The following PDS5A variants were observed in gnomAD, a reference collection of about 807,000 sequenced individuals.
PDS5A encodes the protein PDS5 cohesin associated factor A.
PDS5A carries 42 observed loss-of-function variants against 167.1 expected under a neutral mutation model. That is an observed-to-expected ratio of 0.25 (90% CI 0.20 to 0.33). The LOEUF is 0.33. Among genes scored for constraint, PDS5A ranks in the 10% least tolerant of loss-of-function variants. The pLI is 1.00. For missense variants in PDS5A, 1,033 were observed against 1,605.9 expected, an observed-to-expected ratio of 0.64 and a Z score of 6.10; for synonymous variants, 553 against 554.6, an observed-to-expected ratio of 1.00 and a Z score of 0.04.
chr4:39,910,903 T>C (rs1047925496), intron 9 of PDS5A, among the ~76,000 whole-genome samples: 1 of 151,912 alleles, frequency 6.6e-6, no homozygotes, highest in Non-Finnish European at 1.5e-5. Context: ...GAAGCTGAGG[T>C]GGGTGGATTG....
intron 2 of PDS5A, 89 bp from the exon 3 acceptor site, chr4:39,928,253 C>G (rs898499810): frequency 1.4e-5 from 11 of 788,336 alleles, no homozygotes; most frequent in Non-Finnish European, 2.2e-5. Context: ...AAAGTCATCT[C>G]CATTAGCAAT....
At chr4:39,976,892 A>C (rs1731147091) in intron 1 of PDS5A, among the ~76,000 whole-genome samples, 4 of 151,054 alleles carry the variant, frequency 2.6e-5, no homozygotes, top group East Asian at 2.0e-4. Flanking sequence ...AATGAAATCC[A>C]CCCCCGAGCA....
At chr4:39,884,890 T>C (rs1371032325) in intron 17 of PDS5A, among the ~76,000 whole-genome samples, 1 of 152,092 alleles carries the variant, frequency 6.6e-6, no homozygotes, top group Non-Finnish European at 1.5e-5. Context: ...AGCACACATA[T>C]GTCAAGGTGT....
At chr4:39,973,165 T>C (rs1730721566) in intron 2 of PDS5A, 8 of 1,012,790 alleles carry the variant, frequency 7.9e-6, no homozygotes, top group Non-Finnish European at 1.3e-5. Context: ...GTTAACTGCT[T>C]TCTGGGTAGC....
intron 32 of PDS5A, 95 bp from the exon 33 acceptor site, chr4:39,825,583 T>TA: frequency 5.7e-6 from 5 of 879,824 alleles, no homozygotes; most frequent in Non-Finnish European, 6.7e-6. Context: ...TTATCTAAAA[T>TA]CTTTTTTTTT....
At chr4:39,941,969 G>A (rs1202989307) in intron 2 of PDS5A, among the ~76,000 whole-genome samples, 1 of 152,116 alleles carries the variant, frequency 6.6e-6, no homozygotes, top group Non-Finnish European at 1.5e-5. Context: ...ACTGAATAAA[G>A]TTGGTAACAT....
At position 39,837,884 on chromosome 4, in the gene PDS5A, G is replaced by A; in HGVS notation, c.3982C>T (p.Pro1328Ser). The A allele has an allele frequency of 1.2e-6, 2 of 1,612,030 alleles. No homozygotes were observed. The highest frequency in any genetic ancestry group is 2.2e-5 in the East Asian group (1 of 44,874). Residue 1328 changes from proline to serine, a missense_variant, in exon 32 of 33, where the codon CCA becomes TCA. Pro to Ser is a moderately conservative substitution (Grantham distance 74). Transcript: ENST00000303538. ...TGTAAGTCAATTTGTCTTTCTGCTG[G>A]TGCTGCCTTTTTGGCTAAATCTTGC... ...KLQDLAKKAAPAERQIDLQR is the reference protein window; with the variant it reads ...KLQDLAKKAASAERQIDLQR
chr4:39,910,213 G>A, intron 10 of PDS5A, 31 bp downstream of exon 10: 1 of 1,086,402 alleles, frequency 9.2e-7, no homozygotes, highest in Non-Finnish European at 1.4e-6. Context: ...GTATGGTTAT[G>A]CTAATATGTG....
chr4:39,940,961 T>C (rs1468075119), intron 2 of PDS5A, among the ~76,000 whole-genome samples: 1 of 152,246 alleles, frequency 6.6e-6, no homozygotes, highest in Non-Finnish European at 1.5e-5. Flanking sequence ...TGAGCCACTA[T>C]GCTCAGCCTA....
chr4:39,892,058 C>A lies in PDS5A; in HGVS notation c.1771-1694G>T, dbSNP rs546029327. Among the ~76,000 whole-genome samples the A allele has an allele frequency of 2.6e-5, 4 of 152,130 alleles. No homozygotes were observed. The South Asian group carries it at 6.2e-4, about 24-fold the overall frequency. On this transcript the variant is annotated intron_variant, in intron 16 of 32. Coordinates refer to ENST00000303538, the MANE Select transcript of PDS5A (RefSeq NM_001100399.2). ...GCCTGGTAGGCAGAGGTTGCAGTGA[C>A]CACCTGAGATTGCACAGCTGCACAG...
At chr4:39,899,711 T>C (rs746986692) in intron 14 of PDS5A, among the ~76,000 whole-genome samples, 36 of 152,036 alleles carry the variant, frequency 2.4e-4, no homozygotes, top group Non-Finnish European at 4.3e-4. Context: ...TAGCTGGGTA[T>C]GGTGGAGCAC....
chr4:39,955,707 G>T (rs1728860351), intron 2 of PDS5A, among the ~76,000 whole-genome samples: 1 of 152,126 alleles, frequency 6.6e-6, no homozygotes, highest in South Asian at 2.1e-4. Flanking sequence ...CTTCCTGGGG[G>T]ACGGGAGTGT....
chr4:39,869,550 G>A, intron 21 of PDS5A, 88 bp from the exon 22 acceptor site: 1 of 795,070 alleles, frequency 1.3e-6, no homozygotes. Flanking sequence ...GATCAACACA[G>A]CCTCTGAGAA....
chr4:39,908,578 C>A (rs749155118), intron 10 of PDS5A, 38 bp from the exon 11 acceptor site: 5 of 1,308,236 alleles, frequency 3.8e-6, no homozygotes, highest in Non-Finnish European at 4.4e-6. Flanking sequence ...TAAATGTTAG[C>A]TATGTAATTT....
At chr4:39,845,694 C>A (rs939157636) in intron 29 of PDS5A, 124 bp downstream of exon 29, 3 of 1,079,410 alleles carry the variant, frequency 2.8e-6, no homozygotes, top group South Asian at 3.5e-5. Flanking sequence ...TGCTTTAAAT[C>A]CATAATGTGA....
At chr4:39,879,068 G>A (rs1356100446) in intron 18 of PDS5A, among the ~76,000 whole-genome samples, 2 of 152,102 alleles carry the variant, frequency 1.3e-5, no homozygotes, top group African/African-American at 2.4e-5. Flanking sequence ...AAGACCCTTG[G>A]AATATGATCC....
chr4:39,940,635 AAG>A (rs1425352008), intron 2 of PDS5A, among the ~76,000 whole-genome samples: 1 of 152,198 alleles, frequency 6.6e-6, no homozygotes, highest in African/African-American at 2.4e-5. Flanking sequence ...ACAGGAGAGA[AAG>A]AGAGGAAGAA....
chr4:39,907,875 C>T (rs533530816), intron 11 of PDS5A, among the ~76,000 whole-genome samples: 79 of 152,228 alleles, frequency 5.2e-4, no homozygotes, highest in East Asian at 1.2e-3. Context: ...CGTGAGCCAC[C>T]GCGCCCGGCA....
chr4:39,888,126 G>A (rs561168479), intron 17 of PDS5A, among the ~76,000 whole-genome samples: 2 of 150,742 alleles, frequency 1.3e-5, no homozygotes, highest in East Asian at 2.0e-4. Flanking sequence ...GCATGCACCT[G>A]TAGTCCTAGC....
Sources: gnomAD v4.1 joint callset for allele counts (sites outside exome capture counted in the v4.1 genomes callset) on GRCh38, gnomAD v4.1.1 for gene constraint, MANE v1.5 for transcripts, NCBI Gene and HGNC (gene_info 2026-07-23, HGNC 2026-07-21) for gene names.